The following NAALADL2 variants were observed in gnomAD, a reference collection of about 807,000 sequenced individuals.
NAALADL2 encodes inactive N-acetylated-alpha-linked acidic dipeptidase-like protein 2.
NAALADL2 carries 76 observed loss-of-function variants against 87.2 expected under a neutral mutation model. The ratio of observed to expected loss-of-function variants is 0.87; its 90% CI spans 0.72 to 1.05. NAALADL2 has a LOEUF of 1.05. Ranked by LOEUF, NAALADL2 falls within the 50% of genes least tolerant of loss-of-function variation. The pLI is 0.00. For synonymous variants in NAALADL2, 354 were observed against 331.0 expected (o/e 1.07, Z -0.75); for missense variants, 1,089 against 945.8 (o/e 1.15, Z -1.99).
At chr3:174,704,164 T>G (rs1041349978) in intron 2 of NAALADL2, among the ~76,000 whole-genome samples, 1 of 152,162 alleles carries the variant, frequency 6.6e-6, no homozygotes, top group African/African-American at 2.4e-5. Context: ...GTTCCCTCTC[T>G]CTCTCTTTTT....
At chr3:175,368,177 G>C (rs1467858930) in intron 5 of NAALADL2, among the ~76,000 whole-genome samples, 1 of 152,078 alleles carries the variant, frequency 6.6e-6, no homozygotes, top group Admixed American at 6.6e-5. Context: ...TGCGTATATT[G>C]AACCAGCCTT....
intron 2 of NAALADL2, among the ~76,000 whole-genome samples, chr3:175,224,579 A>G (rs1743886192): frequency 6.6e-6 from 1 of 151,438 alleles, no homozygotes; most frequent in Non-Finnish European, 1.5e-5. Flanking sequence ...CCACCCACCC[A>G]CTCCCCACTG....
intron 13 of NAALADL2, among the ~76,000 whole-genome samples, chr3:175,784,933 C>G (rs2150230591): frequency 7.8e-6 from 1 of 128,814 alleles, no homozygotes; most frequent in Middle Eastern, 3.7e-3. Context: ...CAAAGAACAT[C>G]TTTATTTCTG....
intron 3 of NAALADL2, among the ~76,000 whole-genome samples, chr3:174,848,027 T>C (rs1724836533): frequency 6.6e-6 from 1 of 151,946 alleles, no homozygotes; most frequent in Non-Finnish European, 1.5e-5. Flanking sequence ...TTTTACTTCT[T>C]TGCTCCTTTT....
chr3:175,424,163 A>G (rs1716375488), intron 5 of NAALADL2, among the ~76,000 whole-genome samples: 3 of 152,182 alleles, frequency 2.0e-5, no homozygotes, highest in Admixed American at 2.0e-4. Context: ...GATTCTGGAT[A>G]TTAGCCCTTT....
At chr3:175,175,681 T>C (rs1735596729) in intron 2 of NAALADL2, among the ~76,000 whole-genome samples, 1 of 152,134 alleles carries the variant, frequency 6.6e-6, no homozygotes, top group African/African-American at 2.4e-5. Flanking sequence ...CATTTGTCTA[T>C]CAACTTCAGT....
chr3:175,562,098 G>C (rs79876647), intron 9 of NAALADL2, among the ~76,000 whole-genome samples: 41 of 152,246 alleles, frequency 2.7e-4, no homozygotes, highest in African/African-American at 9.4e-4. Context: ...TTCAGTTCCC[G>C]ATGTGGGTGG....
chr3:175,217,133 A>C (rs1055074494), intron 2 of NAALADL2, among the ~76,000 whole-genome samples: 1 of 152,232 alleles, frequency 6.6e-6, no homozygotes, highest in African/African-American at 2.4e-5. Context: ...TAATTGAATT[A>C]ATGAAAAAAG....
At chr3:174,447,202 G>C (rs1325616893) in intron 1 of NAALADL2, among the ~76,000 whole-genome samples, 2 of 152,050 alleles carry the variant, frequency 1.3e-5, no homozygotes, top group African/African-American at 4.8e-5. Context: ...TGAATATAGA[G>C]TGCCAGCAGT....
intron 3 of NAALADL2, among the ~76,000 whole-genome samples, chr3:174,821,120 G>C (rs1333851408): frequency 2.6e-5 from 4 of 152,136 alleles, no homozygotes; most frequent in African/African-American, 9.7e-5. Flanking sequence ...CTCCCCTATG[G>C]GGACTGGGAA....
At position 175,500,311 on chromosome 3, in the gene NAALADL2, A is replaced by G. The variant is rs573947344; in HGVS notation, c.1653+28553A>G. On this transcript the variant is annotated intron_variant, in intron 9 of 13. Coordinates refer to ENST00000454872, the MANE Select transcript of NAALADL2 (RefSeq NM_207015.3). The stretch of plus-strand genomic sequence containing the variant: ...TTGGCTGGAGGAATCTGAGACAATT[A>G]CCTCAAGTAAGGTATTGAAGTAGAG... Among the ~76,000 whole-genome samples, 96 of 152,206 alleles carry G rather than the reference A, an allele frequency of 6.3e-4. 1 individual carries two copies. In the South Asian group the frequency reaches 9.1e-3, roughly 14 times the overall value.
At chr3:174,717,995 G>T (rs1578666764) in intron 2 of NAALADL2, among the ~76,000 whole-genome samples, 1 of 152,042 alleles carries the variant, frequency 6.6e-6, no homozygotes. Flanking sequence ...CGGGCGTGTT[G>T]GGAGGCGCCT....
chr3:174,626,468 G>T (rs2082059308), intron 2 of NAALADL2, among the ~76,000 whole-genome samples: 1 of 151,904 alleles, frequency 6.6e-6, no homozygotes, highest in Non-Finnish European at 1.5e-5. Flanking sequence ...TTATTAGTAT[G>T]TTGGGTTTTC....
At chr3:175,393,574 T>A (rs2149030115) in intron 5 of NAALADL2, among the ~76,000 whole-genome samples, 1 of 152,240 alleles carries the variant, frequency 6.6e-6, no homozygotes, top group East Asian at 1.9e-4. Context: ...ATGCGGTGAA[T>A]CTATTTTACT....
chr3:174,779,018 G>A (rs576287628), intron 3 of NAALADL2, among the ~76,000 whole-genome samples: 2 of 152,198 alleles, frequency 1.3e-5, no homozygotes, highest in East Asian at 1.9e-4. Flanking sequence ...TGGGTCAAAT[G>A]GTATTTCTAG....
chr3:174,767,032 G>T (rs1366731105), intron 3 of NAALADL2, among the ~76,000 whole-genome samples: 1 of 152,150 alleles, frequency 6.6e-6, no homozygotes, highest in Non-Finnish European at 1.5e-5. Flanking sequence ...TGCAGCCCTG[G>T]GTGGTAGCCC....
chr3:175,088,913 T>G (rs1179407501), intron 1 of NAALADL2, among the ~76,000 whole-genome samples: 1 of 152,192 alleles, frequency 6.6e-6, no homozygotes, highest in Non-Finnish European at 1.5e-5. Context: ...GTGGACAGGA[T>G]GAGCCAAAGG....
At chr3:175,481,276 C>T in intron 9 of NAALADL2, among the ~76,000 whole-genome samples, 1 of 151,356 alleles carries the variant, frequency 6.6e-6, no homozygotes, top group Non-Finnish European at 1.5e-5. Context: ...CTAACCAATT[C>T]ATTTTCTTTA....
intron 4 of NAALADL2, among the ~76,000 whole-genome samples, chr3:175,317,925 C>T (rs9847480): frequency 1.3e-5 from 2 of 151,904 alleles, no homozygotes; most frequent in Non-Finnish European, 2.9e-5. Context: ...AATGATTTGA[C>T]CCGGAAATTC....
Sources: gnomAD v4.1 joint callset for allele counts (sites outside exome capture counted in the v4.1 genomes callset) on GRCh38, gnomAD v4.1.1 for gene constraint, MANE v1.5 for transcripts, NCBI Gene and HGNC (gene_info 2026-07-23, HGNC 2026-07-21) for gene names.